Variants in CRY1 observed in about 807,000 individuals in gnomAD.
CRY1 encodes the protein cryptochrome-1.
In CRY1, 45 loss-of-function variants were observed where a neutral mutation model predicts 76.0. The ratio of observed to expected loss-of-function variants is 0.59; its 90% CI spans 0.47 to 0.76. The LOEUF is 0.76. Ranked by LOEUF, CRY1 falls within the 30% of genes least tolerant of loss-of-function variation. CRY1 has a pLI of 0.00. For missense variants in CRY1, 587 were observed against 716.4 expected (o/e 0.82, Z 2.06); for synonymous variants, 248 against 244.0 (o/e 1.02, Z -0.15).
chr12:107,060,194 G>C (rs1158250946), intron 1 of CRY1, among the ~76,000 whole-genome samples: 2 of 152,172 alleles, frequency 1.3e-5, no homozygotes, highest in African/African-American at 2.4e-5. Flanking sequence ...TGGTGCTATA[G>C]TTTGAATGTG....
intron 1 of CRY1, 87 bp from the exon 2 acceptor site, chr12:107,022,279 T>C (rs2136845256): frequency 4.0e-6 from 3 of 749,068 alleles, no homozygotes; most frequent in Non-Finnish European, 6.1e-6. Context: ...ATTCTAAAAG[T>C]TGAAATGCCA....
chr12:107,087,273 G>A (rs750500414), intron 1 of CRY1, among the ~76,000 whole-genome samples: 7 of 148,694 alleles, frequency 4.7e-5, no homozygotes, highest in Non-Finnish European at 9.0e-5. Context: ...AGTGGAAAGT[G>A]AGGAAGTGGA....
chr12:107,085,883 C>T (rs1189437045), intron 1 of CRY1, among the ~76,000 whole-genome samples: 1 of 151,154 alleles, frequency 6.6e-6, no homozygotes, highest in Non-Finnish European at 1.5e-5. Context: ...CAAAACAAAA[C>T]AAAACAAAAA....
intron 2 of CRY1, among the ~76,000 whole-genome samples, chr12:107,016,562 G>A (rs552912132): frequency 6.6e-6 from 1 of 152,082 alleles, no homozygotes; most frequent in East Asian, 1.9e-4. Flanking sequence ...TACAAAGAAG[G>A]TAAAACTCTA....
At chr12:107,045,636 T>C (rs1336990043) in intron 1 of CRY1, among the ~76,000 whole-genome samples, 2 of 152,144 alleles carry the variant, frequency 1.3e-5, no homozygotes, top group African/African-American at 4.8e-5. Context: ...AGGTCTAACA[T>C]TTAAGTCTTT....
At position 107,001,878 on chromosome 12, in the gene CRY1, C is replaced by G. The variant is rs1566242382; in HGVS notation, c.481G>C (p.Glu161Gln). The G allele has an allele frequency of 1.2e-6, 2 of 1,601,598 alleles. No homozygotes were observed. The highest frequency in any genetic ancestry group is 1.1e-5 in the South Asian group (1 of 87,932). The change falls in exon 4 of 13, where the codon GAA (glutamate) becomes CAA (glutamine). Residue 161 changes from glutamate (E) to glutamine (Q), a missense_variant. Glu to Gln is a conservative substitution (Grantham distance 29). Transcript: ENST00000008527. ...GTCTCTACTGGTATCTCTAGTGGTT[C>G]CATTTTGCTGATGAGAGTCTGGAAT... is the stretch of plus-strand genomic sequence containing the variant. ...KRFQTLISKM[E>Q]PLEIPVETIT...
chr12:107,067,563 CAA>C (rs199513991), intron 1 of CRY1, among the ~76,000 whole-genome samples: 1 of 138,074 alleles, frequency 7.2e-6, no homozygotes, highest in Non-Finnish European at 1.6e-5. Flanking sequence ...TTTTCAAAGG[CAA>C]AAAAAAAAAA....
chr12:107,015,584 AT>A (rs1370480470), intron 2 of CRY1, among the ~76,000 whole-genome samples: 1 of 152,150 alleles, frequency 6.6e-6, no homozygotes, highest in Non-Finnish European at 1.5e-5. Flanking sequence ...GCAGGTTTTT[AT>A]TTTAAGCAAC....
Position 107,022,103 on chromosome 12 carries a change from A to C in CRY1, c.248T>G (p.Val83Gly), listed in dbSNP as rs1467475477. The part of the protein sequence containing the change: ...LFVIRGQPAD[V>G]FPRLFKEWNI... Reference sequence around the variant, plus strand: ...AATTACCTTGAAAAGCCTGGGAAACACATCTGCTGGTTGTCCACGAATCAC... The same window carrying C: ...AATTACCTTGAAAAGCCTGGGAAACCCATCTGCTGGTTGTCCACGAATCAC... The change falls in exon 2 of 13, where the codon GTG becomes GGG. Residue 83 changes from valine (V) to glycine (G), a missense_variant. By Grantham distance (109) the Val-to-Gly change is moderately radical. Coordinates refer to ENST00000008527, the MANE Select transcript of CRY1 (RefSeq NM_004075.5). The C allele has an allele frequency of 2.5e-6, 4 of 1,603,542 alleles. No homozygotes were observed. The highest frequency in any genetic ancestry group is 3.4e-6 in the Non-Finnish European group (4 of 1,174,690).
intron 1 of CRY1, among the ~76,000 whole-genome samples, chr12:107,065,256 T>G (rs974921874): frequency 7.9e-5 from 12 of 152,048 alleles, no homozygotes; most frequent in African/African-American, 2.4e-4. Flanking sequence ...ATCATGCCAC[T>G]GCACTCCAAG....
intron 1 of CRY1, among the ~76,000 whole-genome samples, chr12:107,084,360 G>T (rs529754812): frequency 5.4e-4 from 82 of 152,212 alleles, no homozygotes; most frequent in African/African-American, 1.9e-3. Context: ...CAAAAAAAGA[G>T]CCTGTATAGC....
chr12:107,066,050 T>G (rs900401295), intron 1 of CRY1, among the ~76,000 whole-genome samples: 7 of 152,176 alleles, frequency 4.6e-5, no homozygotes, highest in African/African-American at 1.7e-4. Flanking sequence ...TAAGGCTCAT[T>G]CTGACTACAC....
At chr12:107,069,173 G>A (rs1323965349) in intron 1 of CRY1, among the ~76,000 whole-genome samples, 1 of 151,642 alleles carries the variant, frequency 6.6e-6, no homozygotes, top group Middle Eastern at 3.2e-3. Context: ...CACCAGCAAT[G>A]TACAAGGGTT....
chr12:106,998,587 TTA>T (rs1321353577), intron 7 of CRY1, among the ~76,000 whole-genome samples: 2 of 151,902 alleles, frequency 1.3e-5, no homozygotes, highest in Non-Finnish European at 1.5e-5. Flanking sequence ...TAAATGATTT[TTA>T]TATATATTCA....
intron 1 of CRY1, among the ~76,000 whole-genome samples, chr12:107,069,193 C>T (rs943640129): frequency 1.3e-5 from 2 of 151,464 alleles, no homozygotes; most frequent in Non-Finnish European, 2.9e-5. Context: ...TCCAATTTCT[C>T]CACACCCTCG....
At chr12:107,016,660 G>C (rs147386134) in intron 2 of CRY1, among the ~76,000 whole-genome samples, 70 of 152,230 alleles carry the variant, frequency 4.6e-4, no homozygotes, top group African/African-American at 1.5e-3. Context: ...ATACTGAAGA[G>C]TCCTAAATTT....
intron 1 of CRY1, among the ~76,000 whole-genome samples, chr12:107,065,320 C>T (rs1027077969): frequency 2.0e-5 from 3 of 150,360 alleles, no homozygotes; most frequent in South Asian, 2.1e-4. Context: ...AGGCCGGGCG[C>T]GGTGGCTCAC....
intron 1 of CRY1, among the ~76,000 whole-genome samples, chr12:107,077,178 C>G (rs934625991): frequency 6.6e-6 from 1 of 152,024 alleles, no homozygotes; most frequent in Admixed American, 6.6e-5. Flanking sequence ...CACACACACA[C>G]CTCTAGAACT....
In CRY1 at chr12:107,055,972, T is replaced by C. The variant is rs115639627; in HGVS notation, c.159-33780A>G. Among the ~76,000 whole-genome samples, 463 of 152,300 alleles carry C rather than the reference T, an allele frequency of 3.0e-3. 6 individuals carry two copies. The highest frequency in any genetic ancestry group is 0.011 in the African/African-American group (451 of 41,562). On this transcript the variant is annotated intron_variant, in intron 1 of 12. Coordinates refer to ENST00000008527, the MANE Select transcript of CRY1 (RefSeq NM_004075.5). Reference sequence around the variant, plus strand: ...TCTAATTGGTCTAAACAAACAAAAATACTGGTTAAGATATATAAAATATCT... The same window carrying C: ...TCTAATTGGTCTAAACAAACAAAAACACTGGTTAAGATATATAAAATATCT...
Sources: allele counts gnomAD v4.1 joint callset (sites outside exome capture counted in the v4.1 genomes callset), GRCh38; gene constraint gnomAD v4.1.1; transcripts MANE v1.5; gene names NCBI Gene and HGNC (gene_info 2026-07-23, HGNC 2026-07-21).